ANKS1B: variants seen among roughly 807,000 people sequenced by gnomAD.
ANKS1B encodes ankyrin repeat and sterile alpha motif domain-containing protein 1B.
ANKS1B carries 36 observed loss-of-function variants against 148.3 expected under a neutral mutation model. That is an observed-to-expected ratio of 0.24 (90% confidence interval 0.19 to 0.32). The LOEUF is 0.32. Among genes scored for constraint, ANKS1B ranks in the 10% least tolerant of loss-of-function variants. The probability of loss-of-function intolerance (pLI) is 1.00; values close to 1 mark genes in which losing one functional copy is unlikely to be tolerated. For missense variants in ANKS1B, 1,157 were observed against 1,542.6 expected (o/e 0.75, Z 4.19); for synonymous variants, 542 against 560.8 (o/e 0.97, Z 0.47).
chr12:99,699,246 CAATT>C (rs1305076915), intron 8 of ANKS1B, among the ~76,000 whole-genome samples: 1 of 152,150 alleles, frequency 6.6e-6, no homozygotes, highest in Admixed American at 6.6e-5. Flanking sequence ...GTAAATTCTT[CAATT>C]AATGGAAGAG....
intron 17 of ANKS1B, among the ~76,000 whole-genome samples, chr12:98,985,721 C>A (rs2099922917): frequency 6.6e-6 from 1 of 152,038 alleles, no homozygotes; most frequent in African/African-American, 2.4e-5. Flanking sequence ...AACCTCTCAA[C>A]AAATTGTTTA....
At chr12:99,711,796 C>T (rs1426847919) in intron 8 of ANKS1B, among the ~76,000 whole-genome samples, 1 of 152,126 alleles carries the variant, frequency 6.6e-6, no homozygotes, top group Non-Finnish European at 1.5e-5. Flanking sequence ...GGAAATTCCT[C>T]AAAGATCTAA....
At chr12:98,796,202 C>A (rs769826448) in intron 22 of ANKS1B, among the ~76,000 whole-genome samples, 1 of 152,118 alleles carries the variant, frequency 6.6e-6, no homozygotes, top group African/African-American at 2.4e-5. Flanking sequence ...AAACATTGAT[C>A]AGAATTGGGA....
At chr12:99,663,618 C>A (rs1022322419) in intron 8 of ANKS1B, among the ~76,000 whole-genome samples, 1 of 152,022 alleles carries the variant, frequency 6.6e-6, no homozygotes, top group Non-Finnish European at 1.5e-5. Flanking sequence ...AAAAACAAGT[C>A]TTGATGCCAA....
At chr12:99,632,729 A>C (rs1168419336) in intron 9 of ANKS1B, among the ~76,000 whole-genome samples, 1 of 23,336 alleles carries the variant, frequency 4.3e-5, no homozygotes, top group African/African-American at 2.8e-4. Context: ...TTTTCTTTCT[A>C]TATATATATA....
At chr12:98,976,123 T>A (rs1476906580) in intron 17 of ANKS1B, among the ~76,000 whole-genome samples, 3 of 152,252 alleles carry the variant, frequency 2.0e-5, no homozygotes, top group Non-Finnish European at 4.4e-5. Flanking sequence ...ACATGCTCCA[T>A]GTACCTGAGA....
intron 9 of ANKS1B, among the ~76,000 whole-genome samples, chr12:99,529,937 G>A (rs1385117108): frequency 6.6e-6 from 1 of 152,130 alleles, no homozygotes; most frequent in Middle Eastern, 3.2e-3. Flanking sequence ...TAGGAATGTA[G>A]ACAGTATAAT....
chr12:98,824,184 G>A (rs2099226614), intron 19 of ANKS1B, among the ~76,000 whole-genome samples: 1 of 152,118 alleles, frequency 6.6e-6, no homozygotes, highest in African/African-American at 2.4e-5. Flanking sequence ...GAGAAATATG[G>A]CATCCATTCT....
intron 15 of ANKS1B, among the ~76,000 whole-genome samples, chr12:99,086,735 A>G (rs2153633140): frequency 6.6e-6 from 1 of 152,330 alleles, no homozygotes; most frequent in Middle Eastern, 3.4e-3. Context: ...ACGGTTTGTA[A>G]GACAGAGTTT....
intron 9 of ANKS1B, among the ~76,000 whole-genome samples, chr12:99,514,992 T>A: frequency 6.6e-6 from 1 of 151,398 alleles, no homozygotes. Flanking sequence ...TTTCTTGACA[T>A]TTGGCCTCTA....
Position 99,404,677 on chromosome 12 carries a change from A to C in ANKS1B, c.1576-4866T>G, listed in dbSNP as rs868317129. Among the ~76,000 whole-genome samples, 6 of 145,816 alleles carry C rather than the reference A, an allele frequency of 4.1e-5. 1 individual carries two copies. The highest frequency in any genetic ancestry group is 3.4e-3 in the Middle Eastern group (1 of 290). The stretch of plus-strand genomic sequence containing the variant: ...TCTAGAAAATAGCTTCCAAAGGGCA[A>C]ATCTAACAGTTATTGGCCTTATAGA... On this transcript the variant is annotated intron_variant, in intron 11 of 26. Transcript: ENST00000683438.
chr12:99,570,714 G>A (rs1470437727), intron 9 of ANKS1B, among the ~76,000 whole-genome samples: 1 of 151,376 alleles, frequency 6.6e-6, no homozygotes, highest in Admixed American at 6.6e-5. Flanking sequence ...GAAGCTGGGT[G>A]ACTGGTATTA....
intron 1 of ANKS1B, among the ~76,000 whole-genome samples, chr12:99,956,930 A>G (rs2095332793): frequency 6.6e-6 from 1 of 152,214 alleles, no homozygotes; most frequent in African/African-American, 2.4e-5. Flanking sequence ...ATAATGATTT[A>G]TTCATATTGC....
chr12:99,462,426 A>C lies in ANKS1B; in HGVS notation c.1439-18617T>G, dbSNP rs1433074274. On this transcript the variant is annotated intron_variant, in intron 10 of 26. Transcript: ENST00000683438. ...GATGGCTATATTGAGACTTCATCAC[A>C]GCCTGATCTCTCCAGCTGCCATTTC... Among the ~76,000 whole-genome samples the C allele has an allele frequency of 7.2e-5, 11 of 152,354 alleles. No homozygotes were observed. In the South Asian group the frequency reaches 2.3e-3, roughly 32 times the overall value.
At chr12:98,958,865 A>G (rs1421514149) in intron 17 of ANKS1B, among the ~76,000 whole-genome samples, 1 of 152,206 alleles carries the variant, frequency 6.6e-6, no homozygotes, top group Non-Finnish European at 1.5e-5. Context: ...CAACATTTAG[A>G]TGTATCAATG....
Position 99,399,664 on chromosome 12 carries a change from T to C in ANKS1B, c.1723A>G (p.Thr575Ala). Residue 575 changes from threonine (T) to alanine (A), a missense_variant, in exon 12 of 27, where the codon ACA becomes GCA. Coordinates refer to ENST00000683438, the MANE Select transcript of ANKS1B (RefSeq NM_001352186.2). ...ASPPTSSVGT[T>A]EVKNEGTNHT... is the part of the protein sequence containing the mutation. ...TTAGTTCCCTCATTCTTGACTTCTG[T>C]GGTTCCCACAGAAGAGGTGGGTGGA... The C allele has an allele frequency of 6.2e-7, 1 of 1,613,420 alleles. No individual in the cohort carries two copies. The highest frequency in any genetic ancestry group is 8.5e-7 in the Non-Finnish European group (1 of 1,179,456).
At chr12:98,923,157 C>T (rs1310744057) in intron 17 of ANKS1B, among the ~76,000 whole-genome samples, 1 of 152,050 alleles carries the variant, frequency 6.6e-6, no homozygotes, top group Non-Finnish European at 1.5e-5. Context: ...GGGTTAGTTC[C>T]CTTGAAAGTG....
chr12:99,246,886 A>T, intron 12 of ANKS1B, 22 bp from the exon 13 acceptor site: 1 of 1,537,296 alleles, frequency 6.5e-7, no homozygotes, highest in Non-Finnish European at 8.7e-7. Context: ...AGGAAGGGAT[A>T]TCAGGGTTTA....
intron 8 of ANKS1B, among the ~76,000 whole-genome samples, chr12:99,698,712 C>T (rs190496470): frequency 6.8e-4 from 104 of 152,244 alleles, no homozygotes; most frequent in Admixed American, 1.8e-3. Context: ...TTGGGACATG[C>T]TGTTTCATTC....
Sources: gnomAD v4.1 joint callset for allele counts (sites outside exome capture counted in the v4.1 genomes callset) on GRCh38, gnomAD v4.1.1 for gene constraint, MANE v1.5 for transcripts, NCBI Gene and HGNC (gene_info 2026-07-23, HGNC 2026-07-21) for gene names.